The following PUM2 variants were observed in gnomAD, a reference collection of about 807,000 sequenced individuals.
PUM2 encodes pumilio homolog 2.
PUM2 carries 57 observed loss-of-function variants against 124.5 expected under a neutral mutation model. That is an observed-to-expected ratio of 0.46 (90% CI 0.37 to 0.57). The LOEUF (loss-of-function observed/expected upper bound fraction) is 0.57, where lower values mean the gene tolerates loss of function less well. Ranked by LOEUF, PUM2 falls within the 20% of genes least tolerant of loss-of-function variation. The pLI is 0.00. For synonymous variants in PUM2, 460 were observed against 446.1 expected (o/e 1.03, Z -0.39); for missense variants, 1,065 against 1,290.6 (o/e 0.83, Z 2.68).
rs549185350 is a variant in PUM2 at position 20,341,479 on chromosome 2, A to C, written c.-19+9118T>G. 1.1e-4 allele frequency among the ~76,000 whole-genome samples: 17 copies of C among 152,318 alleles called. 1 individual carries two copies. In the South Asian group the frequency reaches 3.5e-3, roughly 32 times the overall value. ...ATATGATCCAATTTTTGTTCAAAAA[A>C]GGAGGGGGGCAATGTATGACTACAT... On this transcript the variant is annotated intron_variant, in intron 1 of 20. Transcript: ENST00000361078.
At chr2:20,311,369 C>G in intron 5 of PUM2, 125 bp downstream of exon 5, 1 of 1,128,292 alleles carries the variant, frequency 8.9e-7, no homozygotes, top group Non-Finnish European at 1.2e-6. Flanking sequence ...AAAATTTGTC[C>G]AGATTAACAC....
At chr2:20,291,472 T>G (rs1225898272) in intron 9 of PUM2, among the ~76,000 whole-genome samples, 1 of 152,230 alleles carries the variant, frequency 6.6e-6, no homozygotes, top group African/African-American at 2.4e-5. Context: ...TATTCCTCTG[T>G]TCCTTGGCTA....
intron 8 of PUM2, among the ~76,000 whole-genome samples, chr2:20,296,271 G>A (rs906195457): frequency 2.0e-5 from 3 of 152,222 alleles, no homozygotes; most frequent in African/African-American, 7.2e-5. Flanking sequence ...CGAGGCAGGC[G>A]GATCACAAGG....
intron 13 of PUM2, among the ~76,000 whole-genome samples, chr2:20,278,109 A>G (rs1458534188): frequency 6.6e-6 from 1 of 152,182 alleles, no homozygotes; most frequent in African/African-American, 2.4e-5. Flanking sequence ...TTAAGTGACA[A>G]ATACACTAAA....
chr2:20,287,391 T>C (rs1490745658), intron 10 of PUM2, among the ~76,000 whole-genome samples: 1 of 152,110 alleles, frequency 6.6e-6, no homozygotes, highest in Non-Finnish European at 1.5e-5. Context: ...AAAGGGACCA[T>C]ATTAAAAGAT....
rs1681555543 is a variant in PUM2 at position 20,318,605 on chromosome 2, G to T, written c.92C>A (p.Thr31Lys). The T allele has an allele frequency of 2.5e-6, 4 of 1,613,474 alleles. No homozygotes were observed. The highest frequency in any genetic ancestry group is 3.4e-6 in the Non-Finnish European group (4 of 1,179,924). ...AAATATGCCTTTTTGTCCATCTTTT[G>T]TTGAATCATCAGGTTCCCAAAACTT... ...TKKFWEPDDS[T>K]KDGQKGIFLG... The change falls in exon 3 of 21, where the codon ACA (threonine) becomes AAA (lysine). Residue 31 changes from threonine to lysine, a missense_variant. Thr to Lys is a moderately conservative substitution (Grantham distance 78). Coordinates refer to ENST00000361078, the MANE Select transcript of PUM2 (RefSeq NM_015317.5).
intron 2 of PUM2, among the ~76,000 whole-genome samples, chr2:20,320,085 G>A (rs909452517): frequency 6.6e-6 from 1 of 152,130 alleles, no homozygotes; most frequent in Non-Finnish European, 1.5e-5. Flanking sequence ...GGCCAAGACG[G>A]TGAAACCTTG....
intron 20 of PUM2, among the ~76,000 whole-genome samples, chr2:20,252,239 C>T (rs948514537): frequency 5.9e-5 from 9 of 152,098 alleles, no homozygotes; most frequent in African/African-American, 2.2e-4. Flanking sequence ...GGCAACATAG[C>T]GAGACCGCAT....
chr2:20,347,437 A>G (rs1019800345), intron 1 of PUM2, among the ~76,000 whole-genome samples: 3 of 152,230 alleles, frequency 2.0e-5, no homozygotes, highest in Non-Finnish European at 4.4e-5. Context: ...AACTCAAAGA[A>G]AAAGCATTTA....
At chr2:20,297,446 TTTTC>T (rs1675888234) in intron 8 of PUM2, 103 bp downstream of exon 8, 3 of 1,124,870 alleles carry the variant, frequency 2.7e-6, no homozygotes, top group Middle Eastern at 3.1e-4. Flanking sequence ...ATGTTTCAGT[TTTTC>T]TTAGGAATTT....
At chr2:20,306,107 C>T (rs547968917) in intron 7 of PUM2, among the ~76,000 whole-genome samples, 1 of 151,962 alleles carries the variant, frequency 6.6e-6, no homozygotes, top group African/African-American at 2.4e-5. Context: ...CGGGAGGCTG[C>T]GGCGAGAGGA....
At chr2:20,311,366 G>T in intron 5 of PUM2, 128 bp downstream of exon 5, 1 of 1,108,898 alleles carries the variant, frequency 9.0e-7, no homozygotes, top group Non-Finnish European at 1.2e-6. Context: ...ACTAAAATTT[G>T]TCCAGATTAA....
intron 8 of PUM2, among the ~76,000 whole-genome samples, chr2:20,295,310 T>TA (rs1381568708): frequency 6.6e-6 from 1 of 152,216 alleles, no homozygotes; most frequent in African/African-American, 2.4e-5. Context: ...CTGACTTACA[T>TA]AACAAACATG....
chr2:20,314,559 G>C (rs939439536), intron 3 of PUM2, among the ~76,000 whole-genome samples: 27 of 152,168 alleles, frequency 1.8e-4, no homozygotes, highest in African/African-American at 6.5e-4. Flanking sequence ...TGACTTGTTT[G>C]TGACAGGTAT....
At chr2:20,309,043 A>G (rs1406232315) in intron 5 of PUM2, among the ~76,000 whole-genome samples, 1 of 152,202 alleles carries the variant, frequency 6.6e-6, no homozygotes, top group Non-Finnish European at 1.5e-5. Flanking sequence ...ATCCTGCTTA[A>G]TAATACTTAA....
At chr2:20,298,051 G>C (rs1008561843) in intron 7 of PUM2, among the ~76,000 whole-genome samples, 3 of 152,220 alleles carry the variant, frequency 2.0e-5, no homozygotes, top group Non-Finnish European at 4.4e-5. Context: ...CTGGTAAATA[G>C]TAGTTTTTCA....
intron 4 of PUM2, 58 bp from the exon 5 acceptor site, chr2:20,311,721 C>A: frequency 3.3e-6 from 5 of 1,528,052 alleles, no homozygotes; most frequent in Non-Finnish European, 3.6e-6. Context: ...AAAAAAGGCA[C>A]CATAAGGTGA....
intron 8 of PUM2, among the ~76,000 whole-genome samples, chr2:20,296,612 A>G (rs1411689386): frequency 4.2e-5 from 6 of 142,176 alleles, no homozygotes; most frequent in African/African-American, 1.1e-4. Flanking sequence ...AGCCCCCCCA[A>G]AAACAACAGG....
intron 13 of PUM2, among the ~76,000 whole-genome samples, chr2:20,266,175 C>T (rs928456772): frequency 6.6e-6 from 1 of 152,136 alleles, no homozygotes; most frequent in Non-Finnish European, 1.5e-5. Context: ...GGCGCGGTGG[C>T]TCACGCCTAT....
Sources: allele counts gnomAD v4.1 joint callset (sites outside exome capture counted in the v4.1 genomes callset), GRCh38; gene constraint gnomAD v4.1.1; transcripts MANE v1.5; gene names NCBI Gene and HGNC (gene_info 2026-07-23, HGNC 2026-07-21).